MEGF11: variants seen among roughly 807,000 people sequenced by gnomAD.
MEGF11 encodes the protein multiple EGF like domains 11, also known as multiple epidermal growth factor-like domains protein 11.
A neutral mutation model predicts 146.6 loss-of-function variants in MEGF11; 126 were observed. The ratio of observed to expected loss-of-function variants is 0.86; its 90% CI spans 0.74 to 1.00. MEGF11 has a LOEUF of 1.00. Among genes scored for constraint, MEGF11 ranks in the 50% least tolerant of loss-of-function variants. The probability of loss-of-function intolerance (pLI) is 0.00; values close to 1 mark genes in which losing one functional copy is unlikely to be tolerated. For synonymous variants in MEGF11, 532 were observed against 583.4 expected, an observed-to-expected ratio of 0.91 and a Z score of 1.27; for missense variants, 1,509 against 1,521.2, an observed-to-expected ratio of 0.99 and a Z score of 0.13.
chr15:66,009,264 T>TAA (rs1491242585), intron 5 of MEGF11, among the ~76,000 whole-genome samples: 1 of 115,752 alleles, frequency 8.6e-6, no homozygotes, highest in African/African-American at 3.1e-5. Context: ...TTTTTTTTTT[T>TAA]AAATAGCACA....
chr15:65,913,805 C>G lies in MEGF11; in HGVS notation c.2642G>C (p.Arg881Pro). 1 of 1,613,824 alleles carries G rather than the reference C, an allele frequency of 6.2e-7. No individual in the cohort carries two copies. The highest frequency in any genetic ancestry group is 8.5e-7 in the Non-Finnish European group (1 of 1,179,804). Residue 881 changes from arginine (R) to proline (P), a missense_variant, in exon 20 of 26, where the codon CGA becomes CCA. Transcript: ENST00000395614. ...WHRRRQKEKGRDLAPRVSYTP... is the reference protein window; with the variant it reads ...WHRRRQKEKGPDLAPRVSYTP... Reference sequence around the variant, plus strand: ...GTAGGAGACACGGGGAGCCAGGTCTCGGCCCTTCTCTTTCTGCCGCCGCCG... The same window carrying G: ...GTAGGAGACACGGGGAGCCAGGTCTGGGCCCTTCTCTTTCTGCCGCCGCCG...
At chr15:66,221,279 G>A (rs1251234585) in intron 1 of MEGF11, among the ~76,000 whole-genome samples, 1 of 152,028 alleles carries the variant, frequency 6.6e-6, no homozygotes, top group East Asian at 1.9e-4. Flanking sequence ...TCACGGGCTC[G>A]CAGCCGCTCC....
intron 1 of MEGF11, among the ~76,000 whole-genome samples, chr15:66,164,543 G>A (rs1227021472): frequency 6.6e-6 from 1 of 152,140 alleles, no homozygotes; most frequent in Non-Finnish European, 1.5e-5. Flanking sequence ...GTAAAATGGG[G>A]ACAATAATCC....
chr15:66,244,377 A>G (rs1216704163), intron 1 of MEGF11, among the ~76,000 whole-genome samples: 2 of 152,166 alleles, frequency 1.3e-5, no homozygotes, highest in Non-Finnish European at 2.9e-5. Flanking sequence ...CAGAAAGCTC[A>G]GAGTCCGCTG....
At chr15:66,083,510 T>C (rs976217619) in intron 5 of MEGF11, among the ~76,000 whole-genome samples, 1 of 151,978 alleles carries the variant, frequency 6.6e-6, no homozygotes, top group African/African-American at 2.4e-5. Flanking sequence ...TGTAGGAGCA[T>C]ACCTATAAAA....
chr15:66,245,956 G>A (rs1305078433), intron 1 of MEGF11, among the ~76,000 whole-genome samples: 1 of 151,640 alleles, frequency 6.6e-6, no homozygotes, highest in Non-Finnish European at 1.5e-5. Flanking sequence ...ACATATACAA[G>A]AAACATCCTA....
At chr15:66,073,142 AC>A (rs1279378417) in intron 5 of MEGF11, among the ~76,000 whole-genome samples, 4 of 151,996 alleles carry the variant, frequency 2.6e-5, no homozygotes, top group Non-Finnish European at 5.9e-5. Context: ...TGTGCAGTGC[AC>A]CCCCACCTCC....
intron 5 of MEGF11, chr15:66,040,093 C>G (rs2083903832): frequency 6.5e-6 from 1 of 154,954 alleles, no homozygotes; most frequent in Non-Finnish European, 1.5e-5. Flanking sequence ...ATGATGTTCG[C>G]TGGGGTTTAA....
At chr15:66,225,623 A>T (rs918442758) in intron 1 of MEGF11, among the ~76,000 whole-genome samples, 1 of 152,326 alleles carries the variant, frequency 6.6e-6, no homozygotes, top group Non-Finnish European at 1.5e-5. Context: ...ACACATTCAC[A>T]TATGGTCCTG....
At chr15:65,993,383 G>A (rs1388836342) in intron 5 of MEGF11, among the ~76,000 whole-genome samples, 1 of 152,142 alleles carries the variant, frequency 6.6e-6, no homozygotes, top group Non-Finnish European at 1.5e-5. Flanking sequence ...TTTTAATGAA[G>A]GCCCAGCTCC....
At chr15:65,970,985 A>C (rs964028436) in intron 7 of MEGF11, 8 of 427,278 alleles carry the variant, frequency 1.9e-5, no homozygotes, top group Admixed American at 1.9e-4. Flanking sequence ...CCACAGAAAG[A>C]GCCAAAAAAA....
chr15:66,151,620 G>A lies in MEGF11; in HGVS notation c.-8-23209C>T, dbSNP rs75668397. Among the ~76,000 whole-genome samples the A allele has an allele frequency of 2.0e-3, 309 of 152,286 alleles. 1 individual carries two copies. Among genetic ancestry groups the A allele is most frequent in the African/African-American group, 7.3e-3 (305 of 41,528 alleles). On this transcript the variant is annotated intron_variant, in intron 1 of 25. Coordinates refer to ENST00000395614, the MANE Select transcript of MEGF11 (RefSeq NM_001385028.1). ...CTCCTGATCTTCTAAGGAGTCCTCA[G>A]TTTCCCTTCCTGCTTCCTAGAGCAA...
At chr15:65,934,239 T>TTTTG (rs369614003) in intron 10 of MEGF11, among the ~76,000 whole-genome samples, 2,543 of 151,826 alleles carry the variant, frequency 0.017, 68 homozygotes, top group African/African-American at 0.057. Context: ...CAAAGTGAGT[T>TTTTG]TTTGTTTGTT....
At chr15:65,916,661 GC>G (rs1427939602) in intron 17 of MEGF11, 166 bp downstream of exon 17, 1 of 1,223,328 alleles carries the variant, frequency 8.2e-7, no homozygotes, top group Non-Finnish European at 1.2e-6. Flanking sequence ...CAGGTCTGGA[GC>G]TGCCCCTGCA....
rs73481654 is a variant in MEGF11, at chr15:66,016,417, C to T, written c.395-33929G>A. On this transcript the variant is annotated intron_variant, in intron 5 of 25. Transcript: ENST00000395614. ...TCACAACCCCGAGTTTTCTAACGACCGCAAAACAATTTGTCATTCTATTCT... is the reference window on the plus strand; with the variant it reads ...TCACAACCCCGAGTTTTCTAACGACTGCAAAACAATTTGTCATTCTATTCT... 3.5e-3 allele frequency among the ~76,000 whole-genome samples: 539 copies of T among 151,840 alleles called. 4 individuals carry two copies. The highest frequency in any genetic ancestry group is 0.013 in the African/African-American group (521 of 41,396).
In MEGF11 at chr15:66,094,436, G is replaced by T. The variant is rs771933400; in HGVS notation, c.360C>A (p.Cys120Ter). 2.6e-6 allele frequency: 4 copies of T among 1,562,352 alleles called. No individual in the cohort carries two copies. Among genetic ancestry groups the T allele is most frequent in the Non-Finnish European group, 3.5e-6 (4 of 1,152,894 alleles). ...AGTCGGGCCCTCCCCAGCCAGGCTC[G>T]CAGTGGCAGGTGTCCGGGGAAACGC... ...GRCVSPDTCH[C>*]EPGWGGPDCS... Residue 120 changes from cysteine to a stop codon, truncating the protein, a stop_gained, in exon 5 of 26, where the codon TGC becomes TGA. Transcript: ENST00000395614. LOFTEE classifies it high-confidence loss of function.
rs1441257876 is a variant in MEGF11 at position 65,916,151 on chromosome 15, G to A, written c.2341C>T (p.Gln781Ter). ...ATCAGGGGTCAGGGCAGCTTACTCT[G>A]CTCACAGTGTTGCCCGGTGAAGCCT... ...RTGFTGQHCE[Q>*]RCAPGTFGYG... is the part of the protein sequence containing the mutation. Residue 781 changes from glutamine (Q) to a stop codon, truncating the protein, a stop_gained, in exon 18 of 26, where the codon CAG (glutamine) becomes TAG (stop). Coordinates refer to ENST00000395614, the MANE Select transcript of MEGF11 (RefSeq NM_001385028.1). LOFTEE classifies it high-confidence loss of function. 1 of 1,589,740 alleles carries A rather than the reference G, an allele frequency of 6.3e-7. No homozygotes were observed. Among genetic ancestry groups the A allele is most frequent in the East Asian group, 2.3e-5 (1 of 43,808 alleles).
intron 4 of MEGF11, among the ~76,000 whole-genome samples, chr15:66,105,290 G>C (rs1415629354): frequency 6.6e-6 from 1 of 152,228 alleles, no homozygotes; most frequent in Non-Finnish European, 1.5e-5. Context: ...AAAGCAAGAG[G>C]AGGAGGAAGA....
At position 66,010,161 on chromosome 15, in the gene MEGF11, T is replaced by TA. The variant is rs11302321; in HGVS notation, c.395-27674dup. ...AACACACTAATAACAGCTGATTAGC[T>TA]AAAAAAAAAAAAAAAAAGTGCAAAA... On this transcript the variant is annotated intron_variant, in intron 5 of 25. Transcript: ENST00000395614. Among the ~76,000 whole-genome samples, 298 of 126,122 alleles carry TA rather than the reference T, an allele frequency of 2.4e-3. 1 individual carries two copies. The highest frequency in any genetic ancestry group is 5.4e-3 in the African/African-American group (181 of 33,314). The allele number at this position is 126,122 out of a possible 152,430, so 82.7% of individuals were successfully genotyped here. A position where few individuals can be genotyped will look rare whatever the true frequency, so the allele number is the denominator to read the frequency against.
Sources: allele counts gnomAD v4.1 joint callset (sites outside exome capture counted in the v4.1 genomes callset), GRCh38; gene constraint gnomAD v4.1.1; transcripts MANE v1.5; gene names NCBI Gene and HGNC (gene_info 2026-07-23, HGNC 2026-07-21).